C4orf50: variants seen among roughly 807,000 people sequenced by gnomAD.
The protein encoded by C4orf50 is chromosome 4 open reading frame 50.
Under a neutral mutation model 77.2 loss-of-function variants are expected in C4orf50, and 80 were observed. The observed-to-expected ratio is 1.04, with a 90% CI of 0.87 to 1.25. C4orf50 has a LOEUF of 1.25. C4orf50 is among the 50% of genes most tolerant of loss of function. The probability of loss-of-function intolerance (pLI) is 0.00; values close to 1 mark genes in which losing one functional copy is unlikely to be tolerated. For synonymous variants in C4orf50, 532 were observed against 465.3 expected, an observed-to-expected ratio of 1.14 and a Z score of -1.84; for missense variants, 1,257 against 1,152.9, an observed-to-expected ratio of 1.09 and a Z score of -1.31.
At position 5,901,585 on chromosome 4, in the gene C4orf50, C is replaced by T. The variant is rs531687192; in HGVS notation, c.*2475-3397G>A. 1 of 152,194 alleles carries T rather than the reference C, an allele frequency of 6.6e-6. No individual in the cohort carries two copies. Among genetic ancestry groups the T allele is most frequent in the South Asian group, 2.1e-4 (1 of 4,806 alleles). 9.4% of individuals were successfully genotyped at this position (152,194 alleles called of 1,614,324 possible). ...GTAGATCTTAAGAGTTTACAAAGGG[C>T]TTTCCATCCGTATTCCCATTTCATT... On this transcript the variant is annotated intron_variant, in intron 7 of 7. Transcript: ENST00000324058. This position sits in a 1 kb window ranked among gnomAD's most constrained non-coding sequence, Gnocchi z 4.4.
downstream of C4orf50, among the ~76,000 whole-genome samples, chr4:5,954,428 G>A (rs13113733): frequency 6.6e-6 from 1 of 151,950 alleles, no homozygotes; most frequent in Non-Finnish European, 1.5e-5. The surrounding 1 kb of genome is among the most constrained non-coding windows in gnomAD (Gnocchi z 4.7). Flanking sequence ...AGCCATGGCT[G>A]GAGGGCCCCA....
rs564604828 is a variant in C4orf50, at chr4:5,986,963, C to T, written c.3699+1384G>A. Among the ~76,000 whole-genome samples, 8 of 152,260 alleles carry T rather than the reference C, an allele frequency of 5.3e-5. No homozygotes were observed. In the South Asian group the frequency reaches 1.7e-3, roughly 32 times the overall value. ...TAGAAACTATTTTGAACTGAACAGACTTCATCTCAAAATGTGTGGGATGCT... is the reference window on the plus strand; with the variant it reads ...TAGAAACTATTTTGAACTGAACAGATTTCATCTCAAAATGTGTGGGATGCT... On this transcript the variant is annotated intron_variant, in intron 28 of 33. Transcript: ENST00000531445.
rs1255616937 is a variant in C4orf50, at chr4:6,008,196, C to T, written c.763G>A (p.Glu255Lys). The T allele has an allele frequency of 2.5e-6, 1 of 398,012 alleles. No homozygotes were observed. The allele number at this position is 398,012 out of a possible 1,614,324, so 24.7% of individuals were successfully genotyped here. A position where few individuals can be genotyped will look rare whatever the true frequency, so the allele number is the denominator to read the frequency against. Residue 255 changes from glutamate (E) to lysine (K), a missense_variant, in exon 25 of 34, where the codon GAA becomes AAA. Glu to Lys is a moderately conservative substitution (Grantham distance 56). Coordinates refer to ENST00000531445, the Ensembl canonical transcript of C4orf50. This position sits in a 1 kb window ranked among gnomAD's most constrained non-coding sequence, Gnocchi z 6.0. ...TCCTGCAGGCTGCGCGCCGCCTCTTCCCGCTCGCGCTCGCTGCGCTCTGCC... is the reference window on the plus strand; with the variant it reads ...TCCTGCAGGCTGCGCGCCGCCTCTTTCCGCTCGCGCTCGCTGCGCTCTGCC...
At chr4:5,995,706 G>A (rs190980308) in intron 25 of C4orf50, among the ~76,000 whole-genome samples, 4 of 152,298 alleles carry the variant, frequency 2.6e-5, no homozygotes, top group South Asian at 2.1e-4. Context: ...CCTCATCCTA[G>A]CCTGTATACG....
At chr4:5,918,201 ATGG>A (rs1212521571) in intron 7 of C4orf50, among the ~76,000 whole-genome samples, 2 of 152,186 alleles carry the variant, frequency 1.3e-5, no homozygotes, top group African/African-American at 4.8e-5. Context: ...CGCAGCAGGG[ATGG>A]TGAGCTTCAG....
chr4:6,004,340 TGGTGATGATGAC>T, intron 25 of C4orf50, among the ~76,000 whole-genome samples: 1 of 128,280 alleles, frequency 7.8e-6, no homozygotes, highest in Non-Finnish European at 1.6e-5. Context: ...ATGATGGTGA[TGGTGATGATGAC>T]GGTGATGGTG....
intron 7 of C4orf50, among the ~76,000 whole-genome samples, chr4:5,914,416 G>A (rs185832109): frequency 2.9e-4 from 44 of 152,052 alleles, no homozygotes; most frequent in African/African-American, 1.0e-3. Flanking sequence ...GTGTTGGCCA[G>A]GATGGTCTCG....
chr4:6,010,493 A>G (rs1006726599), intron 24 of C4orf50, among the ~76,000 whole-genome samples: 4 of 152,204 alleles, frequency 2.6e-5, no homozygotes, highest in Non-Finnish European at 4.4e-5. Context: ...CATGCTCATT[A>G]TACACACACC....
At chr4:6,013,693 C>A (rs935270138) in intron 23 of C4orf50, among the ~76,000 whole-genome samples, 1 of 152,172 alleles carries the variant, frequency 6.6e-6, no homozygotes, top group Non-Finnish European at 1.5e-5. Context: ...TGGACACCAA[C>A]ACGCGATTGC....
In C4orf50 at chr4:5,936,472, G is replaced by T. The variant is rs191608892; in HGVS notation, c.*2474+20429C>A. Among the ~76,000 whole-genome samples, 423 of 140,062 alleles carry T rather than the reference G, an allele frequency of 3.0e-3. 13 individuals carry two copies. In the Admixed American group the frequency reaches 0.033, roughly 11 times the overall value. The allele number at this position is 140,062 out of a possible 152,430, so 91.9% of individuals were successfully genotyped here. On this transcript the variant is annotated intron_variant, in intron 7 of 7. Transcript: ENST00000324058. ...AGCTACTCAGGAGGCTGATGCAGGA[G>T]AATTGCTTGAACCCAGGAGGTGAAG...
At chr4:5,986,428 G>T (rs1289548290) in intron 28 of C4orf50, among the ~76,000 whole-genome samples, 1 of 151,990 alleles carries the variant, frequency 6.6e-6, no homozygotes, top group Non-Finnish European at 1.5e-5. Context: ...AATCATAATA[G>T]AAATTAGAAG....
chr4:5,964,927 G>T, intron 33 of C4orf50, 97 bp downstream of exon 11: 2 of 1,171,656 alleles, frequency 1.7e-6, no homozygotes, highest in East Asian at 2.4e-5. Flanking sequence ...GTGGCTTTCT[G>T]GGTGTATATC....
intron 7 of C4orf50, chr4:5,903,146 G>A (rs555458133): frequency 6.6e-6 from 1 of 152,282 alleles, no homozygotes; most frequent in Admixed American, 6.5e-5. Context: ...CACTGAGTGG[G>A]GTGCCTCTCA....
chr4:5,915,728 G>C (rs10516177), intron 7 of C4orf50, among the ~76,000 whole-genome samples: 7,344 of 152,244 alleles, frequency 0.048, 596 homozygotes, highest in African/African-American at 0.17. Context: ...TGATGAGTGG[G>C]TAATAAACAC....
At chr4:5,954,959 C>T (rs1283516198), downstream of C4orf50, among the ~76,000 whole-genome samples, 1 of 152,104 alleles carries the variant, frequency 6.6e-6, no homozygotes, top group Non-Finnish European at 1.5e-5. The surrounding 1 kb of genome is among the most constrained non-coding windows in gnomAD (Gnocchi z 4.7). Flanking sequence ...AGGCTCGTTA[C>T]AACCCCTGCA....
At position 5,905,537 on chromosome 4, in the gene C4orf50, C is replaced by T. The variant is rs948088478; in HGVS notation, c.*2475-7349G>A. On this transcript the variant is annotated intron_variant, in intron 7 of 7. Transcript: ENST00000324058. The surrounding 1 kb of genome is among the most constrained non-coding windows in gnomAD (Gnocchi z 5.4). ...ACATGAAGCCATCCACATGCACACA[C>T]CTTTACGTCACTGGGAGACCCACTT... 1 of 152,192 alleles carries T rather than the reference C, an allele frequency of 6.6e-6. No individual in the cohort carries two copies. The highest frequency in any genetic ancestry group is 1.5e-5 in the Non-Finnish European group (1 of 68,038). The allele number at this position is 152,192 out of a possible 1,614,324, so 9.4% of individuals were successfully genotyped here.
chr4:5,915,266 T>C (rs1049550854), intron 7 of C4orf50, among the ~76,000 whole-genome samples: 23 of 152,214 alleles, frequency 1.5e-4, no homozygotes, highest in African/African-American at 5.3e-4. Context: ...TTTCCCATCA[T>C]TTTGTCCACA....
intron 31 of C4orf50, among the ~76,000 whole-genome samples, chr4:5,971,094 C>G (rs1296058464): frequency 6.6e-6 from 1 of 152,192 alleles, no homozygotes; most frequent in East Asian, 1.9e-4. Flanking sequence ...TACATCAGCC[C>G]TCCACCGCCT....
At chr4:5,942,997 C>T (rs1718327112) in intron 7 of C4orf50, among the ~76,000 whole-genome samples, 1 of 152,008 alleles carries the variant, frequency 6.6e-6, no homozygotes, top group South Asian at 2.1e-4. Flanking sequence ...TTTTTATAAG[C>T]AGAAAAATGT....
Sources: gnomAD v4.1 joint callset for allele counts (sites outside exome capture counted in the v4.1 genomes callset) on GRCh38, gnomAD v4.1.1 for gene constraint, Gnocchi (gnomAD v3.1) non-coding constraint, MANE v1.5 for transcripts, NCBI Gene and HGNC (gene_info 2026-07-23, HGNC 2026-07-21) for gene names.